The following TRIO variants were observed in gnomAD, a reference collection of about 807,000 sequenced individuals.
TRIO encodes trio Rho guanine nucleotide exchange factor, also known as triple functional domain protein.
Under a neutral mutation model 351.9 loss-of-function variants are expected in TRIO, and 58 were observed. That is an observed-to-expected ratio of 0.16 (90% confidence interval 0.13 to 0.21). The LOEUF (loss-of-function observed/expected upper bound fraction) is 0.21. Among genes scored for constraint, TRIO ranks in the 10% least tolerant of loss-of-function variants. The pLI is 1.00. For synonymous variants in TRIO, 1,758 were observed against 1,595.7 expected, an observed-to-expected ratio of 1.10 and a Z score of -2.42; for missense variants, 3,201 against 4,027.8, an observed-to-expected ratio of 0.79 and a Z score of 5.56.
chr5:14,473,392 T>A (rs1754822989), intron 39 of TRIO, among the ~76,000 whole-genome samples: 1 of 152,238 alleles, frequency 6.6e-6, no homozygotes, highest in Middle Eastern at 3.2e-3. Context: ...GCTATTAAAG[T>A]CAATTGCATA....
At chr5:14,422,072 T>A (rs1008315291) in intron 34 of TRIO, among the ~76,000 whole-genome samples, 2 of 152,178 alleles carry the variant, frequency 1.3e-5, no homozygotes, top group Non-Finnish European at 2.9e-5. Context: ...CACTCTCTCC[T>A]TTTGAGCCTC....
intron 34 of TRIO, 51 bp from the exon 35 acceptor site, chr5:14,460,968 A>G (rs1188185302): frequency 2.7e-6 from 4 of 1,465,806 alleles, no homozygotes; most frequent in Non-Finnish European, 3.6e-6. Context: ...TGGTCTTCAC[A>G]CCGGAGGGTC....
chr5:14,417,758 A>G (rs1272433279), intron 33 of TRIO, among the ~76,000 whole-genome samples: 1 of 152,248 alleles, frequency 6.6e-6, no homozygotes, highest in Non-Finnish European at 1.5e-5. Context: ...GAAGCCAGTG[A>G]GGAAAATCCA....
intron 8 of TRIO, among the ~76,000 whole-genome samples, chr5:14,305,894 T>C (rs1738323813): frequency 6.6e-6 from 1 of 152,258 alleles, no homozygotes. Flanking sequence ...TATGTTTAGA[T>C]ACACAAATAC....
In TRIO at chr5:14,387,811, T is replaced by G; in HGVS notation, c.3845T>G (p.Leu1282Arg). The change falls in exon 23 of 57, where the codon CTT becomes CGT. Residue 1282 changes from leucine (L) to arginine (R), a missense_variant. Around this residue, in one of 19 missense-constraint regions of TRIO, gnomAD observed 201 missense variants for 266.5 expected, o/e 0.75. Coordinates refer to ENST00000344204, the MANE Select transcript of TRIO (RefSeq NM_007118.4). The stretch of plus-strand genomic sequence containing the variant: ...AAACTTCGAGATGCTGCTCATGAAC[T>G]TAATGAAGAGAAGCGGAAATCTGCC... ...EVKLRDAAHE[L>R]NEEKRKSARR... 1.2e-6 allele frequency: 2 copies of G among 1,614,188 alleles called. No homozygotes were observed. Among genetic ancestry groups the G allele is most frequent in the Non-Finnish European group, 1.7e-6 (2 of 1,180,042 alleles).
intron 55 of TRIO, among the ~76,000 whole-genome samples, chr5:14,505,987 C>T (rs1023883911): frequency 1.3e-5 from 2 of 152,178 alleles, no homozygotes; most frequent in African/African-American, 4.8e-5. Context: ...CCTTAAAAGT[C>T]ACACTGGCTT....
chr5:14,256,657 A>T (rs975103837), intron 1 of TRIO, among the ~76,000 whole-genome samples: 3 of 152,252 alleles, frequency 2.0e-5, no homozygotes, highest in African/African-American at 7.2e-5. Flanking sequence ...AGGATTGATT[A>T]AAAAGCCTTT....
chr5:14,149,638 GGAAATGTA>G (rs1265086035), intron 1 of TRIO, among the ~76,000 whole-genome samples: 1 of 152,108 alleles, frequency 6.6e-6, no homozygotes, highest in Non-Finnish European at 1.5e-5. Context: ...GAGGGGCTGT[GGAAATGTA>G]AAACCTCGTT....
At chr5:14,481,123 C>G in intron 43 of TRIO, 111 bp from the exon 44 acceptor site, 1 of 1,199,158 alleles carries the variant, frequency 8.3e-7, no homozygotes, top group Non-Finnish European at 1.2e-6. Flanking sequence ...GCCAGGAGTT[C>G]AAGACCAGCT....
intron 34 of TRIO, among the ~76,000 whole-genome samples, chr5:14,423,147 TCAGCAAACCCTTGTGCTC>T (rs1561473729): frequency 6.6e-6 from 1 of 152,224 alleles, no homozygotes; most frequent in Non-Finnish European, 1.5e-5. Flanking sequence ...GAATAAGGGT[TCAGCAAACCCTTGTGCTC>T]CAGCAGTCTT....
chr5:14,278,781 C>T lies in TRIO; in HGVS notation c.233-1541C>T, dbSNP rs891648828. ...CAGTTGATAATGAGCAGTACTGCTT[C>T]TCATGTTTAATAGTACTTTTCATTC... is the stretch of plus-strand genomic sequence containing the variant. On this transcript the variant is annotated intron_variant, in intron 2 of 56. Coordinates refer to ENST00000344204, the MANE Select transcript of TRIO (RefSeq NM_007118.4). Among the ~76,000 whole-genome samples the T allele has an allele frequency of 2.0e-5, 3 of 152,168 alleles. No homozygotes were observed. The South Asian group carries it at 6.2e-4, about 31-fold the overall frequency.
chr5:14,161,728 T>C (rs928980236), intron 1 of TRIO, among the ~76,000 whole-genome samples: 7 of 152,252 alleles, frequency 4.6e-5, no homozygotes, highest in Non-Finnish European at 1.0e-4. Flanking sequence ...GAAAAAACTC[T>C]ACTTGTAGTT....
At chr5:14,168,124 A>G (rs573838394) in intron 1 of TRIO, among the ~76,000 whole-genome samples, 2 of 152,318 alleles carry the variant, frequency 1.3e-5, no homozygotes, top group African/African-American at 4.8e-5. Context: ...ATTGGAAGAG[A>G]AGCCAGAATA....
At chr5:14,315,995 T>C (rs1211396629) in intron 8 of TRIO, among the ~76,000 whole-genome samples, 1 of 152,264 alleles carries the variant, frequency 6.6e-6, no homozygotes, top group East Asian at 1.9e-4. Flanking sequence ...TCAGAAAGTT[T>C]AAGTACATAT....
intron 6 of TRIO, among the ~76,000 whole-genome samples, chr5:14,295,455 A>G (rs1321499061): frequency 2.0e-5 from 3 of 152,180 alleles, no homozygotes; most frequent in Non-Finnish European, 4.4e-5. Flanking sequence ...TAGACTAGTA[A>G]AGTCTGTTTT....
chr5:14,192,291 G>C (rs909126580), intron 1 of TRIO, among the ~76,000 whole-genome samples: 1 of 147,940 alleles, frequency 6.8e-6, no homozygotes, highest in African/African-American at 2.5e-5. Flanking sequence ...ACAGAGTCTT[G>C]CTCTGTCGCC....
chr5:14,428,953 A>C (rs1750871218), intron 34 of TRIO, among the ~76,000 whole-genome samples: 1 of 152,110 alleles, frequency 6.6e-6, no homozygotes, highest in Admixed American at 6.5e-5. Flanking sequence ...CTCTCTGGAG[A>C]CTGGACTTCC....
At chr5:14,150,264 C>T (rs995723736) in intron 1 of TRIO, among the ~76,000 whole-genome samples, 5 of 149,546 alleles carry the variant, frequency 3.3e-5, no homozygotes, top group East Asian at 2.0e-4. Context: ...AAGACAGAAC[C>T]GTAGTGACAG....
chr5:14,344,501 A>G (rs1219240180), intron 11 of TRIO, among the ~76,000 whole-genome samples: 2 of 152,222 alleles, frequency 1.3e-5, no homozygotes, highest in African/African-American at 2.4e-5. Context: ...CTTAGCTACA[A>G]TATAGGATAA....
Sources: allele counts gnomAD v4.1 joint callset (sites outside exome capture counted in the v4.1 genomes callset), GRCh38; gene constraint gnomAD v4.1.1; regional missense constraint gnomAD v4.1.1; transcripts MANE v1.5; gene names NCBI Gene and HGNC (gene_info 2026-07-23, HGNC 2026-07-21).